The following ACADSB variants were observed in gnomAD, a reference collection of about 807,000 sequenced individuals.
ACADSB encodes acyl-CoA dehydrogenase short/branched chain, also known as short/branched chain specific acyl-CoA dehydrogenase, mitochondrial.
A neutral mutation model predicts 54.1 loss-of-function variants in ACADSB; 40 were observed. The ratio of observed to expected loss-of-function variants is 0.74; its 90% CI spans 0.57 to 0.96. ACADSB has a LOEUF of 0.96. Ranked by LOEUF, ACADSB falls within the 40% of genes least tolerant of loss-of-function variation. The probability of loss-of-function intolerance (pLI) is 0.00; values close to 1 mark genes in which losing one functional copy is unlikely to be tolerated. For missense variants in ACADSB, 530 were observed against 510.4 expected, an observed-to-expected ratio of 1.04 and a Z score of -0.37; for synonymous variants, 182 against 182.8, an observed-to-expected ratio of 1.00 and a Z score of 0.03.
intron 8 of ACADSB, among the ~76,000 whole-genome samples, chr10:123,050,118 G>A (rs764007156): frequency 9.9e-5 from 15 of 152,194 alleles, no homozygotes; most frequent in Non-Finnish European, 1.8e-4. Flanking sequence ...AATCTGTAGG[G>A]TATTAACAAA....
intron 1 of ACADSB, among the ~76,000 whole-genome samples, chr10:123,023,512 G>T (rs1180316592): frequency 1.3e-5 from 2 of 152,100 alleles, no homozygotes; most frequent in African/African-American, 4.8e-5. Context: ...AGATCCAGTA[G>T]CTTTTACCTT....
chr10:123,044,226 T>G (rs551520319), intron 6 of ACADSB, among the ~76,000 whole-genome samples, 167 bp from the exon 7 acceptor site: 22 of 152,316 alleles, frequency 1.4e-4, no homozygotes, highest in African/African-American at 5.3e-4. Flanking sequence ...TTGAGTCCTT[T>G]TCCTCAGAGA....
chr10:123,044,507 C>G (rs751290909), intron 7 of ACADSB, 22 bp downstream of exon 7: 1 of 1,567,272 alleles, frequency 6.4e-7, no homozygotes, highest in Admixed American at 1.7e-5. Flanking sequence ...TTAAACTCTT[C>G]CATGATGTGA....
chr10:123,051,064 G>C lies in ACADSB; in HGVS notation c.1006G>C (p.Val336Leu). The change falls in exon 9 of 11, where the codon GTG (valine) becomes CTG (leucine). Residue 336 changes from valine to leucine, a missense_variant. Val to Leu is a conservative substitution (Grantham distance 32). Transcript: ENST00000358776. ...LFDFQGLQHQ[V>L]AHVATQLEAA... ...ACTGTTACAGGGCCTCCAACACCAAGTGGCTCACGTGGCCACCCAGCTGGA... is the reference window on the plus strand; with the variant it reads ...ACTGTTACAGGGCCTCCAACACCAACTGGCTCACGTGGCCACCCAGCTGGA... The C allele has an allele frequency of 6.2e-7, 1 of 1,612,174 alleles. No homozygotes were observed. The highest frequency in any genetic ancestry group is 8.5e-7 in the Non-Finnish European group (1 of 1,179,842).
Position 123,034,432 on chromosome 10 carries a change from C to G in ACADSB, c.119C>G (p.Ala40Gly). 1 of 1,613,328 alleles carries G rather than the reference C, an allele frequency of 6.2e-7. No homozygotes were observed. The highest frequency in any genetic ancestry group is 1.3e-5 in the African/African-American group (1 of 75,026). ...PHVSKSSQSE[A>G]LLNITNNGIH... ...GTCTCAAAATCTTCCCAGTCAGAAG[C>G]TCTACTCAATATAACAAATAATGGA... Residue 40 changes from alanine to glycine, a missense_variant, in exon 2 of 11, where the codon GCT becomes GGT. By Grantham distance (60) the Ala-to-Gly change is moderately conservative. Coordinates refer to ENST00000358776, the MANE Select transcript of ACADSB (RefSeq NM_001609.4).
intron 4 of ACADSB, 112 bp downstream of exon 4, chr10:123,040,784 G>A: frequency 2.0e-6 from 2 of 991,380 alleles, no homozygotes; most frequent in East Asian, 2.6e-5. Context: ...CCACAATGCG[G>A]TATCATTAAT....
intron 5 of ACADSB, among the ~76,000 whole-genome samples, chr10:123,042,644 C>T (rs1850490614): frequency 6.6e-6 from 1 of 151,518 alleles, no homozygotes; most frequent in Non-Finnish European, 1.5e-5. Flanking sequence ...GACGTTTTTT[C>T]ACCATGTTGG....
intron 1 of ACADSB, among the ~76,000 whole-genome samples, chr10:123,010,891 A>T (rs1269019085): frequency 6.6e-6 from 1 of 152,236 alleles, no homozygotes. Context: ...AAGGGGCTAC[A>T]GTCTGCGTGC....
intron 3 of ACADSB, 151 bp downstream of exon 3, chr10:123,037,998 C>T: frequency 3.2e-6 from 2 of 632,476 alleles, no homozygotes. Context: ...CTTAAAAGTT[C>T]TTAAAAATGG....
chr10:123,010,039 G>GT (rs200572496), intron 1 of ACADSB, among the ~76,000 whole-genome samples: 3,300 of 152,290 alleles, frequency 0.022, 36 homozygotes, highest in Non-Finnish European at 0.034. Flanking sequence ...TTATTTGACT[G>GT]TTTTACAGGC....
chr10:123,033,172 T>C (rs747905849), intron 1 of ACADSB, among the ~76,000 whole-genome samples: 3 of 152,202 alleles, frequency 2.0e-5, no homozygotes, highest in African/African-American at 7.2e-5. Context: ...TGCCCCAAAC[T>C]GACTCCTACT....
chr10:123,031,967 C>CTTTCT (rs1165387259), intron 1 of ACADSB, among the ~76,000 whole-genome samples: 1 of 151,532 alleles, frequency 6.6e-6, no homozygotes, highest in East Asian at 1.9e-4. Context: ...CAGTAGTGAG[C>CTTTCT]TTTCTTTTCT....
rs567086790 is a variant in ACADSB, at chr10:123,042,200, G to A, written c.681+821G>A. ...AGGCTGGTCTCAAACTCCTGACGTC[G>A]GATGATCTGCCTGCCTCGGCCTCCC... On this transcript the variant is annotated intron_variant, in intron 5 of 10. Coordinates refer to ENST00000358776, the MANE Select transcript of ACADSB (RefSeq NM_001609.4). 4.0e-5 allele frequency among the ~76,000 whole-genome samples: 6 copies of A among 151,276 alleles called. No individual in the cohort carries two copies. The South Asian group carries it at 6.3e-4, about 16-fold the overall frequency.
At position 123,043,133 on chromosome 10, in the gene ACADSB, G is replaced by C. The variant is rs1315430989; in HGVS notation, c.769G>C (p.Ala257Pro). The C allele has an allele frequency of 6.2e-7, 1 of 1,614,060 alleles. No individual in the cohort carries two copies. Among genetic ancestry groups the C allele is most frequent in the Non-Finnish European group, 8.5e-7 (1 of 1,179,942 alleles). ...ACCTGAAAACAAATTGGGGCTCAGA[G>C]CTTCTTCCACCTGCCCGTTAACATT... ...GKPENKLGLR[A>P]SSTCPLTFEN... Residue 257 changes from alanine to proline, a missense_variant, in exon 6 of 11, where the codon GCT becomes CCT. Physicochemically the swap from Ala to Pro is conservative, Grantham distance 27. Coordinates refer to ENST00000358776, the MANE Select transcript of ACADSB (RefSeq NM_001609.4).
chr10:123,047,049 T>C (rs1377152029), intron 7 of ACADSB, among the ~76,000 whole-genome samples, 160 bp from the exon 8 acceptor site: 2 of 152,234 alleles, frequency 1.3e-5, no homozygotes, highest in Non-Finnish European at 2.9e-5. Flanking sequence ...ACAAATGCGG[T>C]GGGTGAGGAT....
chr10:123,047,058 A>T (rs879643712), intron 7 of ACADSB, 151 bp from the exon 8 acceptor site: 1 of 666,498 alleles, frequency 1.5e-6, no homozygotes. Flanking sequence ...GTGGGTGAGG[A>T]TGTGTTATTA....
chr10:123,044,918 A>C (rs981843496), intron 7 of ACADSB, among the ~76,000 whole-genome samples: 1 of 151,792 alleles, frequency 6.6e-6, no homozygotes, highest in Non-Finnish European at 1.5e-5. Context: ...ACTGTTTTGC[A>C]TGTGAAAACT....
intron 3 of ACADSB, 118 bp from the exon 4 acceptor site, chr10:123,040,348 C>CAAAAAAAAAA: frequency 1.2e-6 from 1 of 863,564 alleles, no homozygotes; most frequent in East Asian, 3.0e-5. Context: ...AAGACTGTCT[C>CAAAAAAAAAA]AAAAAAAAAA....
At chr10:123,025,797 A>G (rs1564748040) in intron 1 of ACADSB, among the ~76,000 whole-genome samples, 1 of 152,224 alleles carries the variant, frequency 6.6e-6, no homozygotes, top group Non-Finnish European at 1.5e-5. Context: ...GTGGTGGCTC[A>G]CGCCTGTAAT....
Sources: allele counts gnomAD v4.1 joint callset (sites outside exome capture counted in the v4.1 genomes callset), GRCh38; gene constraint gnomAD v4.1.1; transcripts MANE v1.5; gene names NCBI Gene and HGNC (gene_info 2026-07-23, HGNC 2026-07-21).